PLPPR1: variants seen among roughly 807,000 people sequenced by gnomAD.
PLPPR1 encodes phospholipid phosphatase-related protein type 1.
Under a neutral mutation model 33.1 loss-of-function variants are expected in PLPPR1, and 10 were observed. The ratio of observed to expected loss-of-function variants is 0.30; its 90% CI spans 0.19 to 0.51. The LOEUF (loss-of-function observed/expected upper bound fraction) is 0.51. PLPPR1 is among the 20% of genes least tolerant of loss of function. The probability of loss-of-function intolerance (pLI) is 0.97; values close to 1 mark genes in which losing one functional copy is unlikely to be tolerated. For synonymous variants in PLPPR1, 151 were observed against 151.0 expected (o/e 1.00, Z 0.00); for missense variants, 304 against 408.1 (o/e 0.74, Z 2.20).
intron 1 of PLPPR1, among the ~76,000 whole-genome samples, chr9:101,108,044 T>C (rs988185038): frequency 6.7e-6 from 1 of 149,350 alleles, no homozygotes; most frequent in African/African-American, 2.5e-5. Flanking sequence ...CTGCGCCCAC[T>C]GTCTGGCACT....
chr9:101,283,606 G>A (rs1470907418), intron 3 of PLPPR1, among the ~76,000 whole-genome samples: 1 of 152,112 alleles, frequency 6.6e-6, no homozygotes, highest in African/African-American at 2.4e-5. Context: ...TAATTTTCTG[G>A]ATATGAACCC....
chr9:101,078,169 AGAAGAAGAAGAAGAAGAG>A (rs1564138238), intron 1 of PLPPR1, among the ~76,000 whole-genome samples: 4 of 24,890 alleles, frequency 1.6e-4, no homozygotes, highest in Non-Finnish European at 7.4e-5. Flanking sequence ...AAGAAGAAGA[AGAAGAAGAAGAAGAAGAG>A]GAGGGGGGGA....
chr9:101,071,807 G>T (rs1830485596), intron 1 of PLPPR1, among the ~76,000 whole-genome samples: 1 of 152,102 alleles, frequency 6.6e-6, no homozygotes, highest in Non-Finnish European at 1.5e-5. Flanking sequence ...TGAATAATTT[G>T]GGTTGCCAGG....
chr9:101,260,732 A>G (rs1055288573), intron 2 of PLPPR1, among the ~76,000 whole-genome samples: 8 of 152,132 alleles, frequency 5.3e-5, no homozygotes, highest in Admixed American at 6.6e-5. Flanking sequence ...GCTACAAATG[A>G]TGATAGGAGA....
At chr9:101,061,482 A>T (rs1830346979) in intron 1 of PLPPR1, among the ~76,000 whole-genome samples, 1 of 152,016 alleles carries the variant, frequency 6.6e-6, no homozygotes, top group Non-Finnish European at 1.5e-5. Context: ...TCAGTCAGAC[A>T]TCTTTATTAT....
chr9:101,216,197 AT>A (rs1308695495), intron 2 of PLPPR1, among the ~76,000 whole-genome samples: 3 of 151,972 alleles, frequency 2.0e-5, no homozygotes, highest in African/African-American at 7.2e-5. Flanking sequence ...CATTTTGCCT[AT>A]TTTTTGGGTA....
At chr9:101,131,671 T>C (rs2118613862) in intron 1 of PLPPR1, 1 of 152,348 alleles carries the variant, frequency 6.6e-6, no homozygotes, top group African/African-American at 2.4e-5. Context: ...TTTTCTTAGC[T>C]AACTTTCCAC....
intron 2 of PLPPR1, among the ~76,000 whole-genome samples, chr9:101,224,352 T>G (rs1429943370): frequency 6.6e-6 from 1 of 152,154 alleles, no homozygotes; most frequent in African/African-American, 2.4e-5. Flanking sequence ...TTCATTTTAG[T>G]TCATGGTGGG....
intron 1 of PLPPR1, among the ~76,000 whole-genome samples, chr9:101,080,974 CT>C (rs1830610143): frequency 6.6e-6 from 1 of 152,222 alleles, no homozygotes; most frequent in East Asian, 1.9e-4. Flanking sequence ...ATTCCGGAGC[CT>C]AGTGGGAGTT....
intron 1 of PLPPR1, among the ~76,000 whole-genome samples, chr9:101,043,461 A>T (rs1194402550): frequency 6.6e-6 from 1 of 151,704 alleles, no homozygotes; most frequent in African/African-American, 2.4e-5. Context: ...ATATATACAT[A>T]TGTATGTGTA....
At chr9:101,227,339 C>T (rs1254559166) in intron 2 of PLPPR1, among the ~76,000 whole-genome samples, 3 of 152,124 alleles carry the variant, frequency 2.0e-5, no homozygotes, top group Non-Finnish European at 2.9e-5. Flanking sequence ...TTTTAATAAT[C>T]GCCATTCTGA....
At chr9:101,054,625 C>T (rs564951183) in intron 1 of PLPPR1, among the ~76,000 whole-genome samples, 12 of 152,308 alleles carry the variant, frequency 7.9e-5, no homozygotes, top group African/African-American at 2.6e-4. Context: ...ATCCAGTACC[C>T]TGTGATCCCT....
At chr9:101,205,279 A>C (rs1826567526) in intron 2 of PLPPR1, among the ~76,000 whole-genome samples, 1 of 152,202 alleles carries the variant, frequency 6.6e-6, no homozygotes, top group Non-Finnish European at 1.5e-5. Context: ...GCGGTTGATT[A>C]GAAATTTAAA....
intron 1 of PLPPR1, among the ~76,000 whole-genome samples, chr9:101,147,541 A>G (rs558667787): frequency 2.0e-5 from 3 of 152,266 alleles, no homozygotes; most frequent in South Asian, 4.2e-4. Context: ...TTTAGGAGAA[A>G]AAGAGACCCA....
intron 5 of PLPPR1, among the ~76,000 whole-genome samples, chr9:101,311,182 C>T (rs10217724): frequency 0.11 from 16,163 of 152,132 alleles, 1,061 homozygotes; most frequent in African/African-American, 0.17. Flanking sequence ...TAATAAACTA[C>T]TGTCTCAACA....
intron 2 of PLPPR1, among the ~76,000 whole-genome samples, chr9:101,193,123 A>C (rs1159156398): frequency 6.6e-6 from 1 of 152,162 alleles, no homozygotes; most frequent in East Asian, 1.9e-4. Flanking sequence ...TTAAATTGTC[A>C]CAAAGAAGAG....
chr9:101,136,623 A>C (rs1331918336), intron 1 of PLPPR1, among the ~76,000 whole-genome samples: 1 of 152,134 alleles, frequency 6.6e-6, no homozygotes, highest in African/African-American at 2.4e-5. Flanking sequence ...TTTATTCATG[A>C]ATTGTATTTA....
intron 1 of PLPPR1, among the ~76,000 whole-genome samples, chr9:101,074,647 G>A (rs935886858): frequency 6.6e-6 from 1 of 151,818 alleles, no homozygotes; most frequent in Non-Finnish European, 1.5e-5. Flanking sequence ...TTGCTATGTT[G>A]GTCATTCATT....
intron 1 of PLPPR1, among the ~76,000 whole-genome samples, chr9:101,051,749 A>T (rs1311417012): frequency 6.6e-6 from 1 of 152,210 alleles, no homozygotes; most frequent in African/African-American, 2.4e-5. Flanking sequence ...CACCTTCTTC[A>T]AGGCAGGTAG....
Sources: gnomAD v4.1 joint callset for allele counts (sites outside exome capture counted in the v4.1 genomes callset) on GRCh38, gnomAD v4.1.1 for gene constraint, MANE v1.5 for transcripts, NCBI Gene and HGNC (gene_info 2026-07-23, HGNC 2026-07-21) for gene names.